Variants in IL1RAPL1 observed in about 807,000 individuals in gnomAD.
IL1RAPL1 encodes interleukin-1 receptor accessory protein-like 1.
IL1RAPL1 carries 3 observed loss-of-function variants against 48.4 expected under a neutral mutation model. The ratio of observed to expected loss-of-function variants is 0.06; its 90% CI spans 0.03 to 0.16. The LOEUF (loss-of-function observed/expected upper bound fraction) is 0.16. IL1RAPL1 is among the 10% of genes least tolerant of loss of function. The pLI, the probability that IL1RAPL1 is intolerant of heterozygous loss-of-function variation, is 1.00. For synonymous variants in IL1RAPL1, 185 were observed against 187.7 expected, an observed-to-expected ratio of 0.99 and a Z score of 0.12; for missense variants, 349 against 530.6, an observed-to-expected ratio of 0.66 and a Z score of 3.36.
rs774613816 is a variant in IL1RAPL1 at position 29,950,231 on chromosome X, A to G, written c.1202-4291A>G. Among the ~76,000 whole-genome samples the G allele has an allele frequency of 7.7e-4, 87 of 112,579 alleles. 1 individual carries two copies. Among genetic ancestry groups the G allele is most frequent in the African/African-American group, 2.7e-3 (83 of 31,073 alleles). Reference sequence around the variant, plus strand: ...GTCATAGCACCAATTCCTAAATTTCATTTAAGATTAATATGGTTATTTCAT... The same window carrying G: ...GTCATAGCACCAATTCCTAAATTTCGTTTAAGATTAATATGGTTATTTCAT... On this transcript the variant is annotated intron_variant, in intron 9 of 10. Transcript: ENST00000378993.
chrX:29,339,112 A>G (rs897562746), intron 3 of IL1RAPL1, among the ~76,000 whole-genome samples: 4 of 109,285 alleles, frequency 3.7e-5, no homozygotes, highest in Non-Finnish European at 7.6e-5. Flanking sequence ...ACACACACAC[A>G]CGCACACACT....
chrX:29,012,385 A>G, intron 2 of IL1RAPL1, among the ~76,000 whole-genome samples: 1 of 111,387 alleles, frequency 9.0e-6, no homozygotes, highest in Non-Finnish European at 1.9e-5. Flanking sequence ...TCTACTAAAA[A>G]TACAAAAAAT....
intron 6 of IL1RAPL1, among the ~76,000 whole-genome samples, chrX:29,864,568 A>T (rs1931654119): frequency 8.9e-6 from 1 of 112,059 alleles, no homozygotes; most frequent in African/African-American, 3.2e-5. Context: ...TATTGTAGAG[A>T]CATTCCCTAC....
chrX:29,211,151 A>T (rs7056000), intron 2 of IL1RAPL1, among the ~76,000 whole-genome samples: 1,798 of 111,372 alleles, frequency 0.016, 42 homozygotes, highest in African/African-American at 0.055. Context: ...GAACCGAAAC[A>T]AAGTATTCTC....
At chrX:29,570,951 G>T (rs1195515699) in intron 5 of IL1RAPL1, among the ~76,000 whole-genome samples, 2 of 112,605 alleles carry the variant, frequency 1.8e-5, no homozygotes, top group Non-Finnish European at 3.8e-5. Context: ...GCCAGGCGCG[G>T]TGGCTCACGC....
chrX:28,917,628 C>A (rs1923519190), intron 2 of IL1RAPL1, among the ~76,000 whole-genome samples: 1 of 111,970 alleles, frequency 8.9e-6, no homozygotes, highest in South Asian at 3.7e-4. Flanking sequence ...GAGGCAATAC[C>A]TGTTCTTCCA....
At chrX:28,937,025 A>T (rs1924034256) in intron 2 of IL1RAPL1, among the ~76,000 whole-genome samples, 1 of 111,198 alleles carries the variant, frequency 9.0e-6, no homozygotes, top group African/African-American at 3.3e-5. Context: ...ATAGTCATTT[A>T]TGCAGGATCC....
intron 2 of IL1RAPL1, among the ~76,000 whole-genome samples, chrX:29,041,088 C>T (rs1046833393): frequency 1.8e-5 from 2 of 111,873 alleles, no homozygotes; most frequent in Non-Finnish European, 3.8e-5. Context: ...CATGTTTCCT[C>T]ATAGAGCATA....
At chrX:28,930,192 A>G (rs917658223) in intron 2 of IL1RAPL1, among the ~76,000 whole-genome samples, 3 of 112,445 alleles carry the variant, frequency 2.7e-5, no homozygotes, top group Non-Finnish European at 5.6e-5. Flanking sequence ...CTCTTTACCT[A>G]AATGTTATAG....
intron 6 of IL1RAPL1, among the ~76,000 whole-genome samples, chrX:29,673,110 A>T (rs1444477830): frequency 8.9e-6 from 1 of 112,241 alleles, no homozygotes; most frequent in African/African-American, 3.2e-5. Context: ...TTAGATTTGG[A>T]ATAGACCAAA....
rs746116897 is a variant in IL1RAPL1 at position 28,734,641 on chromosome X, C to T, written c.-24-54679C>T. On this transcript the variant is annotated intron_variant, in intron 1 of 10. Transcript: ENST00000378993. ...TCACCTCTGGCATTTCCCATTTCTC[C>T]TACCCTCCTCTAGAGCTTAGTATAT... Among the ~76,000 whole-genome samples the T allele has an allele frequency of 4.6e-5, 5 of 109,890 alleles. No homozygotes were observed. The Admixed American group carries it at 4.9e-4, about 11-fold the overall frequency.
intron 9 of IL1RAPL1, 57 bp from the exon 10 acceptor site, chrX:29,954,465 C>T: frequency 3.0e-6 from 3 of 990,256 alleles, no homozygotes; most frequent in Non-Finnish European, 2.9e-6. Flanking sequence ...GTTTTCATGT[C>T]CTATTGTTAT....
intron 2 of IL1RAPL1, among the ~76,000 whole-genome samples, chrX:29,180,771 C>T (rs1930128517): frequency 1.8e-5 from 2 of 111,913 alleles, no homozygotes; most frequent in Non-Finnish European, 3.8e-5. Flanking sequence ...AGTTGATCCT[C>T]ATGACCTAAT....
chrX:29,422,251 T>G (rs975397173), intron 5 of IL1RAPL1, among the ~76,000 whole-genome samples: 2 of 111,659 alleles, frequency 1.8e-5, no homozygotes, highest in African/African-American at 6.5e-5. Context: ...GTTATCCTTT[T>G]TGGTGAGTTT....
At chrX:28,774,531 T>G (rs1240249507) in intron 1 of IL1RAPL1, among the ~76,000 whole-genome samples, 2 of 111,570 alleles carry the variant, frequency 1.8e-5, no homozygotes, top group African/African-American at 6.5e-5. Flanking sequence ...GCCACCTGCA[T>G]TTTCTTACCA....
intron 6 of IL1RAPL1, among the ~76,000 whole-genome samples, chrX:29,670,094 A>G (rs539278838): frequency 2.2e-4 from 25 of 111,615 alleles, no homozygotes; most frequent in African/African-American, 7.8e-4. Flanking sequence ...CAATATAATG[A>G]AAAGAATTTT....
chrX:29,918,910 C>A (rs747973780), intron 7 of IL1RAPL1, among the ~76,000 whole-genome samples: 4 of 112,049 alleles, frequency 3.6e-5, no homozygotes, highest in Admixed American at 2.8e-4. Context: ...TAAGTTACAA[C>A]CACATCAAAA....
Position 29,599,834 on chromosome X carries a change from G to T in IL1RAPL1, c.704-68596G>T, listed in dbSNP as rs764246634. Among the ~76,000 whole-genome samples, 39 of 111,483 alleles carry T rather than the reference G, an allele frequency of 3.5e-4. No homozygotes were observed. In the East Asian group the frequency reaches 9.3e-3, roughly 27 times the overall value. The stretch of plus-strand genomic sequence containing the variant: ...TTGGTGAGACTTTCCAGTGCATTTT[G>T]CATTTCTCTGTGTGCCCTTGATTTC... On this transcript the variant is annotated intron_variant, in intron 5 of 10. Transcript: ENST00000378993.
intron 5 of IL1RAPL1, among the ~76,000 whole-genome samples, chrX:29,484,885 CA>C (rs755033842): frequency 1.8e-5 from 2 of 111,856 alleles, no homozygotes; most frequent in Admixed American, 9.5e-5. Flanking sequence ...GAAGGAACAA[CA>C]TTAAGTAGGA....
Sources: allele counts gnomAD v4.1 joint callset (sites outside exome capture counted in the v4.1 genomes callset), GRCh38; gene constraint gnomAD v4.1.1; transcripts MANE v1.5; gene names NCBI Gene and HGNC (gene_info 2026-07-23, HGNC 2026-07-21).